NTNG2: variants seen among roughly 807,000 people sequenced by gnomAD.
NTNG2 encodes the protein netrin G2, also known as netrin-G2.
Under a neutral mutation model 47.6 loss-of-function variants are expected in NTNG2, and 15 were observed. That is an observed-to-expected ratio of 0.32 (90% CI 0.21 to 0.49). NTNG2 has a LOEUF of 0.49. NTNG2 is among the 20% of genes least tolerant of loss of function. The probability of loss-of-function intolerance (pLI) is 0.99; values close to 1 mark genes in which losing one functional copy is unlikely to be tolerated. For synonymous variants in NTNG2, 307 were observed against 324.6 expected, an observed-to-expected ratio of 0.95 and a Z score of 0.58; for missense variants, 578 against 764.6, an observed-to-expected ratio of 0.76 and a Z score of 2.88.
Position 132,231,322 on chromosome 9 carries a change from C to T in NTNG2, c.1054+727C>T, listed in dbSNP as rs753282953. The T allele has an allele frequency of 7.2e-5, 33 of 456,320 alleles. No homozygotes were observed. The highest frequency in any genetic ancestry group is 6.6e-4 in the Admixed American group (28 of 42,532). The allele number at this position is 456,320 out of a possible 1,614,324, so 28.3% of individuals were successfully genotyped here. A position where few individuals can be genotyped will look rare whatever the true frequency, so the allele number is the denominator to read the frequency against. On this transcript the variant is annotated intron_variant, in intron 5 of 7. Transcript: ENST00000393229. The surrounding 1 kb of genome is among the most constrained non-coding windows in gnomAD (Gnocchi z 4.1). ...TTGCAAACCCCTCCCCCTGGGAGGTCGCCATCTGCTCTGCGAGGCAGCAGG... is the reference window on the plus strand; with the variant it reads ...TTGCAAACCCCTCCCCCTGGGAGGTTGCCATCTGCTCTGCGAGGCAGCAGG...
At position 132,198,515 on chromosome 9, in the gene NTNG2, CG is replaced by C; in HGVS notation, c.765del (p.Leu256CysfsTer113). The C allele has an allele frequency of 2.5e-6, 4 of 1,613,010 alleles. No individual in the cohort carries two copies. The highest frequency in any genetic ancestry group is 3.4e-6 in the Non-Finnish European group (4 of 1,179,916). On this transcript the variant is annotated frameshift_variant, in exon 3 of 8. Coordinates refer to ENST00000393229, the MANE Select transcript of NTNG2 (RefSeq NM_032536.4). LOFTEE classifies it high-confidence loss of function. ...CTTCACCCTCACCGACCTGCGCATGCGGCTGCTGCGCCCGGCGCTGGGCGGC... is the reference window on the plus strand; with the variant it reads ...CTTCACCCTCACCGACCTGCGCATGCGCTGCTGCGCCCGGCGCTGGGCGGC... ...EFFTLTDLRM[R>X]LLRPALGGTY...
chr9:132,198,524 C>T lies in NTNG2; in HGVS notation c.772C>T (p.Arg258Cys), dbSNP rs1051109590. ...CACCGACCTGCGCATGCGGCTGCTG[C>T]GCCCGGCGCTGGGCGGCACCTATGT... ...TLTDLRMRLL[R>C]PALGGTYVQR... The change falls in exon 3 of 8, where the codon CGC (arginine) becomes TGC (cysteine). Residue 258 changes from arginine (R) to cysteine (C), a missense_variant. Arg to Cys is a radical substitution (Grantham distance 180, BLOSUM62 -3). Transcript: ENST00000393229. 2 of 1,612,970 alleles carry T rather than the reference C, an allele frequency of 1.2e-6. No homozygotes were observed. Among genetic ancestry groups the T allele is most frequent in the Non-Finnish European group, 1.7e-6 (2 of 1,180,022 alleles).
At chr9:132,238,894 C>T in intron 5 of NTNG2, 1 of 648,854 alleles carries the variant, frequency 1.5e-6, no homozygotes, top group South Asian at 1.6e-5. Context: ...GCTCAGCCTA[C>T]TCAGGTTCTC....
intron 2 of NTNG2, among the ~76,000 whole-genome samples, chr9:132,185,113 A>G (rs7851764): frequency 0.13 from 20,487 of 151,958 alleles, 3,655 homozygotes; most frequent in African/African-American, 0.41. Flanking sequence ...GGAGGCCCCA[A>G]CCAAGGCGGG....
chr9:132,188,148 C>G (rs542838758), intron 2 of NTNG2, among the ~76,000 whole-genome samples: 1 of 152,242 alleles, frequency 6.6e-6, no homozygotes, highest in Non-Finnish European at 1.5e-5. Flanking sequence ...CCTTCCCCCA[C>G]GATTGCTTCC....
chr9:132,208,316 C>T lies in NTNG2; in HGVS notation c.857+9707C>T, dbSNP rs879796686. 1.3e-5 allele frequency among the ~76,000 whole-genome samples: 2 copies of T among 152,058 alleles called. No individual in the cohort carries two copies. The highest frequency in any genetic ancestry group is 2.9e-5 in the Non-Finnish European group (2 of 68,006). Reference sequence around the variant, plus strand: ...TGGCTGTGGTGGGTGAGTAAGATTCCAAAGAAGAGCAGGCAGGGCCAGATC... The same window carrying T: ...TGGCTGTGGTGGGTGAGTAAGATTCTAAAGAAGAGCAGGCAGGGCCAGATC... On this transcript the variant is annotated intron_variant, in intron 3 of 7. Coordinates refer to ENST00000393229, the MANE Select transcript of NTNG2 (RefSeq NM_032536.4). This position sits in a 1 kb window ranked among gnomAD's most constrained non-coding sequence, Gnocchi z 4.0.
At chr9:132,194,774 T>A (rs1485790312) in intron 2 of NTNG2, among the ~76,000 whole-genome samples, 1 of 152,220 alleles carries the variant, frequency 6.6e-6, no homozygotes, top group African/African-American at 2.4e-5. Flanking sequence ...CCTGCCTCAA[T>A]GAACCGAGGG....
rs1564395949 is a variant in NTNG2 at position 132,185,879 on chromosome 9, AG to A, written c.214-12085del. On this transcript the variant is annotated intron_variant, in intron 2 of 7. Coordinates refer to ENST00000393229, the MANE Select transcript of NTNG2 (RefSeq NM_032536.4). ...GAGTGGGAGGAGGAGGAGGAGTGGG[AG>A]GAGGAGGAGGAGGGAAAGGAGGAGG... Among the ~76,000 whole-genome samples, 15 of 149,240 alleles carry A rather than the reference AG, an allele frequency of 1.0e-4. No homozygotes were observed. The East Asian group carries it at 2.4e-3, about 24-fold the overall frequency.
At chr9:132,209,001 C>T (rs552267864) in intron 3 of NTNG2, among the ~76,000 whole-genome samples, 2 of 152,272 alleles carry the variant, frequency 1.3e-5, no homozygotes, top group South Asian at 4.1e-4. Flanking sequence ...ATGGCGTGGC[C>T]GCCTGCGTGG....
At chr9:132,173,752 T>TGGAC (rs10685870) in intron 2 of NTNG2, among the ~76,000 whole-genome samples, 1,530 of 135,056 alleles carry the variant, frequency 0.011, 29 homozygotes, top group African/African-American at 0.04. Flanking sequence ...ATGAGATGGA[T>TGGAC]GGACGGACGA....
chr9:132,204,648 T>C (rs2130782530), intron 3 of NTNG2, among the ~76,000 whole-genome samples: 1 of 152,300 alleles, frequency 6.6e-6, no homozygotes, highest in East Asian at 1.9e-4. Flanking sequence ...CAATATTAAC[T>C]GTCATTCACT....
At chr9:132,191,716 C>T (rs1366303834) in intron 2 of NTNG2, among the ~76,000 whole-genome samples, 1 of 151,890 alleles carries the variant, frequency 6.6e-6, no homozygotes, top group Non-Finnish European at 1.5e-5. Flanking sequence ...GGACTACAGG[C>T]GCCCGCCGCT....
At chr9:132,237,788 G>A (rs1171353499) in intron 5 of NTNG2, among the ~76,000 whole-genome samples, 1 of 152,290 alleles carries the variant, frequency 6.6e-6, no homozygotes, top group African/African-American at 2.4e-5. Context: ...AGCCCATCCC[G>A]GCTCCCCTGG....
In NTNG2 at chr9:132,242,124, G is replaced by A. The variant is rs1238457036; in HGVS notation, c.*13G>A. On this transcript the variant is annotated 3_prime_UTR_variant, in exon 8 of 8. Coordinates refer to ENST00000393229, the MANE Select transcript of NTNG2 (RefSeq NM_032536.4). The surrounding 1 kb of genome is among the most constrained non-coding windows in gnomAD (Gnocchi z 5.9). ...CCTGGGCCGCTGAGCCCCGCCCGGAGGACGCTCCCCGCACCCGGAGGCCGG... is the reference window on the plus strand; with the variant it reads ...CCTGGGCCGCTGAGCCCCGCCCGGAAGACGCTCCCCGCACCCGGAGGCCGG... 2 of 1,111,488 alleles carry A rather than the reference G, an allele frequency of 1.8e-6. No individual in the cohort carries two copies. The highest frequency in any genetic ancestry group is 1.7e-5 in the African/African-American group (1 of 60,314). 68.9% of individuals were successfully genotyped at this position (1,111,488 alleles called of 1,614,324 possible). A position where few individuals can be genotyped will look rare whatever the true frequency, so the allele number is the denominator to read the frequency against.
intron 1 of NTNG2, among the ~76,000 whole-genome samples, chr9:132,164,354 C>T (rs1835339602): frequency 2.6e-5 from 4 of 152,150 alleles, no homozygotes. Context: ...TCCCCGCGCC[C>T]GGCGGCGTCC....
chr9:132,227,738 C>T (rs1224128369), intron 4 of NTNG2, among the ~76,000 whole-genome samples: 1 of 152,232 alleles, frequency 6.6e-6, no homozygotes, highest in East Asian at 1.9e-4. Flanking sequence ...TCAGGGCCTG[C>T]CCACTCACAT....
At chr9:132,239,639 G>GT (rs1841856848) in intron 6 of NTNG2, among the ~76,000 whole-genome samples, 1 of 148,652 alleles carries the variant, frequency 6.7e-6, no homozygotes, top group Admixed American at 6.7e-5. Context: ...GGGCTGGTGT[G>GT]TGGGGGGGTC....
At chr9:132,191,877 G>C (rs529549618) in intron 2 of NTNG2, among the ~76,000 whole-genome samples, 5 of 152,132 alleles carry the variant, frequency 3.3e-5, no homozygotes, top group Admixed American at 3.3e-4. Context: ...GGCCATTACC[G>C]CATCTTTCTA....
intron 6 of NTNG2, 105 bp from the exon 7 acceptor site, chr9:132,240,805 C>G: frequency 6.5e-7 from 1 of 1,544,898 alleles, no homozygotes; most frequent in African/African-American, 1.4e-5. Context: ...GGAGCATCCC[C>G]TGGGGAGTGT....
Sources: gnomAD v4.1 joint callset for allele counts (sites outside exome capture counted in the v4.1 genomes callset) on GRCh38, gnomAD v4.1.1 for gene constraint, Gnocchi (gnomAD v3.1) non-coding constraint, MANE v1.5 for transcripts, NCBI Gene and HGNC (gene_info 2026-07-23, HGNC 2026-07-21) for gene names.